The following PLPPR1 variants were observed in gnomAD, a reference collection of about 807,000 sequenced individuals.
PLPPR1 encodes phospholipid phosphatase related 1.
A neutral mutation model predicts 33.1 loss-of-function variants in PLPPR1; 10 were observed. The observed-to-expected ratio is 0.30, with a 90% confidence interval of 0.19 to 0.51. The LOEUF is 0.51. Among genes scored for constraint, PLPPR1 ranks in the 20% least tolerant of loss-of-function variants. The probability of loss-of-function intolerance (pLI) is 0.97; values close to 1 mark genes in which losing one functional copy is unlikely to be tolerated. For synonymous variants in PLPPR1, 151 were observed against 151.0 expected (o/e 1.00, Z 0.00); for missense variants, 304 against 408.1 (o/e 0.74, Z 2.20).
chr9:101,124,384 G>A (rs535364107), intron 1 of PLPPR1, among the ~76,000 whole-genome samples: 3 of 152,306 alleles, frequency 2.0e-5, no homozygotes, highest in South Asian at 4.1e-4. Context: ...CAGTCAGAAA[G>A]CATTGGTCCA....
chr9:101,061,296 C>G (rs1830344894), intron 1 of PLPPR1, among the ~76,000 whole-genome samples: 1 of 151,820 alleles, frequency 6.6e-6, no homozygotes, highest in South Asian at 2.1e-4. Flanking sequence ...GTGAGGTGTT[C>G]TTCTGAGCTC....
chr9:101,148,527 C>T (rs915619400), intron 1 of PLPPR1, among the ~76,000 whole-genome samples: 3 of 152,192 alleles, frequency 2.0e-5, no homozygotes, highest in Admixed American at 6.5e-5. Flanking sequence ...GCTGTATTCC[C>T]TACTCCCATT....
chr9:101,072,471 C>T (rs1435357393), intron 1 of PLPPR1, among the ~76,000 whole-genome samples: 1 of 152,078 alleles, frequency 6.6e-6, no homozygotes, highest in Non-Finnish European at 1.5e-5. Context: ...AAGGCTGGGA[C>T]GTGTAGTCTA....
chr9:101,088,938 TC>T (rs1223447514), intron 1 of PLPPR1, among the ~76,000 whole-genome samples: 2 of 152,178 alleles, frequency 1.3e-5, no homozygotes, highest in Non-Finnish European at 2.9e-5. Flanking sequence ...TCATTACTGA[TC>T]CTGGAATGTT....
At chr9:101,291,053 G>A (rs1024999390) in intron 4 of PLPPR1, among the ~76,000 whole-genome samples, 3 of 152,218 alleles carry the variant, frequency 2.0e-5, no homozygotes, top group Non-Finnish European at 4.4e-5. Flanking sequence ...GTGAAAGACG[G>A]CACCTGGAAA....
chr9:101,186,289 T>C (rs182848968), intron 2 of PLPPR1, among the ~76,000 whole-genome samples: 1 of 152,024 alleles, frequency 6.6e-6, no homozygotes, highest in East Asian at 1.9e-4. Context: ...GATGTTATTG[T>C]ATCTGCCTTA....
At chr9:101,170,682 T>C (rs552861175) in intron 1 of PLPPR1, among the ~76,000 whole-genome samples, 13 of 152,320 alleles carry the variant, frequency 8.5e-5, no homozygotes, top group African/African-American at 2.6e-4. Context: ...ATGCCTGTAA[T>C]CTCAGCACTT....
At chr9:101,097,444 A>T (rs1489327969) in intron 1 of PLPPR1, among the ~76,000 whole-genome samples, 3 of 152,182 alleles carry the variant, frequency 2.0e-5, no homozygotes, top group Admixed American at 6.5e-5. Context: ...CATTTGAATG[A>T]TGTGCTTAGA....
intron 3 of PLPPR1, among the ~76,000 whole-genome samples, chr9:101,277,992 T>G (rs1168793880): frequency 6.6e-6 from 1 of 151,936 alleles, no homozygotes; most frequent in East Asian, 1.9e-4. Context: ...CACACATCAA[T>G]AAAGGAGAGA....
chr9:101,030,729 C>A (rs564476581), intron 1 of PLPPR1, among the ~76,000 whole-genome samples: 1 of 151,960 alleles, frequency 6.6e-6, no homozygotes, highest in Non-Finnish European at 1.5e-5. Flanking sequence ...CTGCTCCTCA[C>A]GGGTGGGGGT....
chr9:101,284,752 T>A (rs1274571095), intron 3 of PLPPR1, among the ~76,000 whole-genome samples: 1 of 152,210 alleles, frequency 6.6e-6, no homozygotes, highest in East Asian at 1.9e-4. Context: ...TCATCATCTT[T>A]ATCCATCTAA....
At chr9:101,059,289 C>T (rs1830314662) in intron 1 of PLPPR1, among the ~76,000 whole-genome samples, 1 of 152,108 alleles carries the variant, frequency 6.6e-6, no homozygotes, top group African/African-American at 2.4e-5. Flanking sequence ...ACAAAAGCAA[C>T]TCTCTGAAAA....
At chr9:101,228,095 C>G (rs1032555986) in intron 2 of PLPPR1, among the ~76,000 whole-genome samples, 4 of 152,148 alleles carry the variant, frequency 2.6e-5, no homozygotes, top group Non-Finnish European at 4.4e-5. Flanking sequence ...CCTTTTAACT[C>G]AGATCAATCT....
intron 1 of PLPPR1, among the ~76,000 whole-genome samples, chr9:101,073,919 A>G (rs1430974996): frequency 6.6e-6 from 1 of 152,160 alleles, no homozygotes; most frequent in African/African-American, 2.4e-5. Flanking sequence ...TTAATATCCT[A>G]TTATCATGTG....
chr9:101,190,730 C>T, intron 2 of PLPPR1, among the ~76,000 whole-genome samples: 1 of 152,034 alleles, frequency 6.6e-6, no homozygotes, highest in East Asian at 1.9e-4. Flanking sequence ...CTTATGGGGA[C>T]CACAAGTCAG....
At chr9:101,322,287 T>C (rs1250401942) in intron 7 of PLPPR1, among the ~76,000 whole-genome samples, 2 of 150,100 alleles carry the variant, frequency 1.3e-5, no homozygotes, top group African/African-American at 4.9e-5. Context: ...TGTTAAAGAT[T>C]TAATAATTTC....
intron 2 of PLPPR1, among the ~76,000 whole-genome samples, chr9:101,221,290 T>C (rs868126548): frequency 9.2e-5 from 14 of 152,294 alleles, no homozygotes; most frequent in African/African-American, 3.4e-4. Flanking sequence ...ATCATTCTTA[T>C]CAAAGGCCTG....
At chr9:101,033,430 G>A (rs890554565) in intron 1 of PLPPR1, among the ~76,000 whole-genome samples, 1 of 152,124 alleles carries the variant, frequency 6.6e-6, no homozygotes, top group African/African-American at 2.4e-5. Context: ...AGAGATCCCA[G>A]CATCTAGTGA....
intron 4 of PLPPR1, among the ~76,000 whole-genome samples, chr9:101,305,151 G>A (rs145027799): frequency 2.4e-4 from 36 of 152,180 alleles, no homozygotes; most frequent in East Asian, 1.2e-3. Context: ...TTCTCCTGCC[G>A]TCTCTGTAGT....
Sources: allele counts gnomAD v4.1 joint callset (sites outside exome capture counted in the v4.1 genomes callset), GRCh38; gene constraint gnomAD v4.1.1; transcripts MANE v1.5; gene names NCBI Gene and HGNC (gene_info 2026-07-23, HGNC 2026-07-21).